Variants in KIDINS220 observed in about 807,000 individuals in gnomAD.
KIDINS220 encodes the protein kinase D-interacting substrate of 220 kDa.
KIDINS220 carries 63 observed loss-of-function variants against 157.6 expected under a neutral mutation model. The observed-to-expected ratio is 0.40, with a 90% CI of 0.33 to 0.49. The LOEUF (loss-of-function observed/expected upper bound fraction) is 0.49, where lower values mean the gene tolerates loss of function less well. Ranked by LOEUF, KIDINS220 falls within the 20% of genes least tolerant of loss-of-function variation. KIDINS220 has a pLI of 0.66. For missense variants in KIDINS220, 1,772 were observed against 2,171.2 expected, an observed-to-expected ratio of 0.82 and a Z score of 3.65; for synonymous variants, 732 against 783.6, an observed-to-expected ratio of 0.93 and a Z score of 1.10.
chr2:8,793,281 G>A (rs1385656680), intron 12 of KIDINS220, among the ~76,000 whole-genome samples: 1 of 152,076 alleles, frequency 6.6e-6, no homozygotes, highest in African/African-American at 2.4e-5. Flanking sequence ...GCCAAGGTGG[G>A]AGGATCACTC....
Position 8,731,134 on chromosome 2 carries a change from G to A in KIDINS220, c.4902C>T (p.Gly1634=), listed in dbSNP as rs759013491. 2 of 1,614,106 alleles carry A rather than the reference G, an allele frequency of 1.2e-6. No individual in the cohort carries two copies. The highest frequency in any genetic ancestry group is 1.3e-5 in the African/African-American group (1 of 75,026). ...TCCGAGCTATAATTGGATCTTGCAG[G>A]CCACTCAGGCTATGTGGGATTCCCC... ...GKRGIPHSLS[G]LQDPIIARMS... is the part of the protein sequence containing the mutation. The change falls in exon 30 of 30, where the codon GGC becomes GGT. Residue 1634 remains glycine, a synonymous_variant. Transcript: ENST00000256707. This position sits in a 1 kb window ranked among gnomAD's most constrained non-coding sequence, Gnocchi z 5.2.
chr2:8,754,363 G>C (rs981730926), intron 22 of KIDINS220, among the ~76,000 whole-genome samples: 8 of 152,284 alleles, frequency 5.3e-5, no homozygotes, highest in African/African-American at 1.9e-4. Flanking sequence ...ATAATCTTTT[G>C]GCAGTGGGCC....
At position 8,750,147 on chromosome 2, in the gene KIDINS220, C is replaced by G. The variant is rs201693934; in HGVS notation, c.3379G>C (p.Gly1127Arg). ...SPQPHSSYYS[G>R]MTGPQHPFYN... The stretch of plus-strand genomic sequence containing the variant: ...AAGGGATGCTGAGGGCCCGTCATGC[C>G]GCTGTAATAGCTGCTGTGAGGCTGT... The change falls in exon 24 of 30, where the codon GGC (glycine) becomes CGC (arginine). Residue 1127 changes from glycine (G) to arginine (R), a missense_variant. Coordinates refer to ENST00000256707, the MANE Select transcript of KIDINS220 (RefSeq NM_020738.4). 2 of 1,614,100 alleles carry G rather than the reference C, an allele frequency of 1.2e-6. No individual in the cohort carries two copies. Among genetic ancestry groups the G allele is most frequent in the Admixed American group, 3.3e-5 (2 of 60,010 alleles).
At chr2:8,796,711 T>C (rs1486876381) in intron 11 of KIDINS220, 60 bp downstream of exon 11, 1 of 1,249,278 alleles carries the variant, frequency 8.0e-7, no homozygotes, top group East Asian at 2.3e-5. Flanking sequence ...ATCCACTCCA[T>C]ATAGAGGTCA....
intron 8 of KIDINS220, among the ~76,000 whole-genome samples, chr2:8,801,868 C>CTG (rs1674757869): frequency 6.6e-6 from 1 of 152,202 alleles, no homozygotes; most frequent in Non-Finnish European, 1.5e-5. Flanking sequence ...GATCACACCA[C>CTG]TGCACTCCAG....
chr2:8,744,134 T>C (rs898832878), intron 26 of KIDINS220, among the ~76,000 whole-genome samples: 1 of 145,622 alleles, frequency 6.9e-6, no homozygotes, highest in African/African-American at 2.5e-5. Context: ...AATATAAATA[T>C]GTTATATATT....
chr2:8,832,893 T>C (rs1477787412), intron 1 of KIDINS220, among the ~76,000 whole-genome samples: 1 of 152,106 alleles, frequency 6.6e-6, no homozygotes, highest in Non-Finnish European at 1.5e-5. Context: ...CTTTTTTTTT[T>C]CCTTAATTTT....
chr2:8,804,939 G>A lies in KIDINS220; in HGVS notation c.603+1332C>T, dbSNP rs111942828. ...GTGTTCGGTGCCCAAGACTGCCCCC[G>A]CTTCCCATGCCAATGAAAGCTCAGG... On this transcript the variant is annotated intron_variant, in intron 7 of 29. Coordinates refer to ENST00000256707, the MANE Select transcript of KIDINS220 (RefSeq NM_020738.4). Among the ~76,000 whole-genome samples the A allele has an allele frequency of 6.7e-3, 1,024 of 152,196 alleles. 19 individuals are homozygous for A. Among genetic ancestry groups the A allele is most frequent in the African/African-American group, 0.023 (955 of 41,492 alleles).
chr2:8,796,709 C>T, intron 11 of KIDINS220, 62 bp downstream of exon 11: 1 of 1,222,058 alleles, frequency 8.2e-7, no homozygotes, highest in Non-Finnish European at 1.2e-6. Flanking sequence ...AAATCCACTC[C>T]ATATAGAGGT....
At chr2:8,797,277 T>C (rs1314319369) in intron 10 of KIDINS220, among the ~76,000 whole-genome samples, 4 of 152,188 alleles carry the variant, frequency 2.6e-5, no homozygotes, top group Non-Finnish European at 5.9e-5. Flanking sequence ...TATACCAACA[T>C]CACTTCAATT....
At chr2:8,742,266 A>AT (rs112007699) in intron 26 of KIDINS220, among the ~76,000 whole-genome samples, 1,658 of 142,484 alleles carry the variant, frequency 0.012, 15 homozygotes, top group African/African-American at 0.027. Flanking sequence ...TGCCTGGCTA[A>AT]TTTTTTTTTT....
At chr2:8,826,867 GT>G in intron 2 of KIDINS220, 118 bp downstream of exon 2, 1 of 495,168 alleles carries the variant, frequency 2.0e-6, no homozygotes, top group Non-Finnish European at 3.6e-6. Flanking sequence ...TCTATCATAA[GT>G]ACAGTGCAGT....
rs1421638048 is a variant in KIDINS220, at chr2:8,778,959, T to C, written c.2551A>G (p.Asn851Asp). 1 of 1,614,148 alleles carries C rather than the reference T, an allele frequency of 6.2e-7. No homozygotes were observed. The highest frequency in any genetic ancestry group is 2.2e-5 in the East Asian group (1 of 44,884). ...GAAGTTACGAGAAATTTTCTTGCAT[T>C]GCTTAGTCCACGACTATTAAGGAAC... ...PVFLNSRGLS[N>D]ARKFLVTSAT... Residue 851 changes from asparagine to aspartate, a missense_variant, in exon 19 of 30, where the codon AAT becomes GAT. Coordinates refer to ENST00000256707, the MANE Select transcript of KIDINS220 (RefSeq NM_020738.4).
At chr2:8,827,782 C>T (rs532682729) in intron 1 of KIDINS220, among the ~76,000 whole-genome samples, 1 of 152,312 alleles carries the variant, frequency 6.6e-6, no homozygotes, top group South Asian at 2.1e-4. Context: ...ATCAAAACAT[C>T]ACATTGTACC....
At position 8,735,437 on chromosome 2, in the gene KIDINS220, C is replaced by A. The variant is rs1431315643; in HGVS notation, c.3718-684G>T. ...GTCCCAGCTACTTGGGAGGCTGAGG[C>A]AGGAGGATCGCTTGCACCCAGGAGG... On this transcript the variant is annotated intron_variant, in intron 27 of 29. Transcript: ENST00000256707. 6.6e-5 allele frequency among the ~76,000 whole-genome samples: 10 copies of A among 152,164 alleles called. No individual in the cohort carries two copies. The Middle Eastern group carries it at 0.01, about 155-fold the overall frequency.
chr2:8,836,047 A>T (rs1680338950), intron 1 of KIDINS220, among the ~76,000 whole-genome samples: 1 of 152,190 alleles, frequency 6.6e-6, no homozygotes. Flanking sequence ...CTTGAAAAAT[A>T]TAAAATCCCT....
chr2:8,812,307 C>T lies in KIDINS220; in HGVS notation c.504+88G>A, dbSNP rs536239386. 33 of 531,522 alleles carry T rather than the reference C, an allele frequency of 6.2e-5. No individual in the cohort carries two copies. In the South Asian group the frequency reaches 1.4e-3, roughly 23 times the overall value. The allele number at this position is 531,522 out of a possible 1,614,324, so 32.9% of individuals were successfully genotyped here. A position where few individuals can be genotyped will look rare whatever the true frequency, so the allele number is the denominator to read the frequency against. ...AAAAATATAAAATACATTAGAGAAGCCTCATGAAATCATATAAAAATGTTT... is the reference window on the plus strand; with the variant it reads ...AAAAATATAAAATACATTAGAGAAGTCTCATGAAATCATATAAAAATGTTT... On this transcript the variant is annotated intron_variant, in intron 6 of 29. Transcript: ENST00000256707.
chr2:8,814,506 T>C (rs74722969), intron 4 of KIDINS220, among the ~76,000 whole-genome samples: 1 of 151,396 alleles, frequency 6.6e-6, no homozygotes, highest in Admixed American at 6.6e-5. Context: ...ACAGATAGAG[T>C]AGGGTGTGGG....
chr2:8,729,973 T>C lies in KIDINS220; in HGVS notation c.*747A>G. 2.0e-6 allele frequency: 2 copies of C among 985,378 alleles called. No homozygotes were observed. Among genetic ancestry groups the C allele is most frequent in the Non-Finnish European group, 2.4e-6 (2 of 829,922 alleles). 61.0% of individuals were successfully genotyped at this position (985,378 alleles called of 1,614,324 possible). ...TGGAGAACAGACCAGGGTGGCTTCT[T>C]GGGCACAGCTGGATGGTGCTGGAAG... On this transcript the variant is annotated 3_prime_UTR_variant, in exon 30 of 30. Transcript: ENST00000256707.
Sources: gnomAD v4.1 joint callset for allele counts (sites outside exome capture counted in the v4.1 genomes callset) on GRCh38, gnomAD v4.1.1 for gene constraint, Gnocchi (gnomAD v3.1) non-coding constraint, MANE v1.5 for transcripts, NCBI Gene and HGNC (gene_info 2026-07-23, HGNC 2026-07-21) for gene names.